VAV1: variants seen among roughly 807,000 people sequenced by gnomAD.
VAV1 encodes vav guanine nucleotide exchange factor 1.
Under a neutral mutation model 128.1 loss-of-function variants are expected in VAV1, and 33 were observed. The observed-to-expected ratio is 0.26, with a 90% CI of 0.20 to 0.34. The LOEUF (loss-of-function observed/expected upper bound fraction) is 0.34. VAV1 is among the 10% of genes least tolerant of loss of function. The pLI, the probability that VAV1 is intolerant of heterozygous loss-of-function variation, is 1.00. For synonymous variants in VAV1, 394 were observed against 409.8 expected (o/e 0.96, Z 0.47); for missense variants, 715 against 1,093.7 (o/e 0.65, Z 4.88).
At chr19:6,811,241 G>A (rs576246779) in intron 1 of VAV1, among the ~76,000 whole-genome samples, 328 of 152,144 alleles carry the variant, frequency 2.2e-3, no homozygotes, top group African/African-American at 6.8e-3. Context: ...TCACCATGTC[G>A]GCCAGGCTGG....
At chr19:6,838,141 A>C (rs1358240144) in intron 21 of VAV1, among the ~76,000 whole-genome samples, 1 of 151,404 alleles carries the variant, frequency 6.6e-6, no homozygotes, top group Non-Finnish European at 1.5e-5. Flanking sequence ...CTATCCATGC[A>C]TCCATCTTTT....
At chr19:6,778,083 C>T (rs527920218) in intron 1 of VAV1, among the ~76,000 whole-genome samples, 4 of 152,228 alleles carry the variant, frequency 2.6e-5, no homozygotes, top group Non-Finnish European at 4.4e-5. Flanking sequence ...GCTACAGATG[C>T]GTGCCACCAT....
At chr19:6,821,927 G>T (rs1051637633) in intron 4 of VAV1, 68 bp downstream of exon 4, 4 of 1,594,466 alleles carry the variant, frequency 2.5e-6, no homozygotes, top group African/African-American at 2.7e-5. Flanking sequence ...GGTGTGGGGG[G>T]ACATGGCCTT....
chr19:6,840,894 T>C (rs1226091611), intron 21 of VAV1, among the ~76,000 whole-genome samples: 1 of 151,780 alleles, frequency 6.6e-6, no homozygotes, highest in African/African-American at 2.4e-5. Context: ...ATTCTCCCAC[T>C]TCAGCCTCGA....
intron 21 of VAV1, among the ~76,000 whole-genome samples, chr19:6,839,927 A>C (rs2144807289): frequency 6.6e-6 from 1 of 152,160 alleles, no homozygotes; most frequent in South Asian, 2.1e-4. Context: ...TCTGGGCCCA[A>C]GTGATTCCCC....
At position 6,848,074 on chromosome 19, in the gene VAV1, C is replaced by T; in HGVS notation, c.2089C>T (p.Gln697Ter). 1 of 1,552,218 alleles carries T rather than the reference C, an allele frequency of 6.4e-7. No individual in the cohort carries two copies. Among genetic ancestry groups the T allele is most frequent in the Non-Finnish European group, 8.6e-7 (1 of 1,156,396 alleles). The change falls in exon 23 of 27, where the codon CAG becomes TAG. Residue 697 changes from glutamine to a stop codon, truncating the protein, a stop_gained. Transcript: ENST00000602142. LOFTEE classifies it high-confidence loss of function. ...CTCGGACGGGACTTTCTTGGTGCGG[C>T]AGAGGGTGAAGGATGCAGCAGAATT... The part of the protein sequence containing the change: ...NRSDGTFLVR[Q>*]RVKDAAEFAI...
intron 21 of VAV1, among the ~76,000 whole-genome samples, chr19:6,840,981 T>C (rs1972361308): frequency 6.6e-6 from 1 of 152,032 alleles, no homozygotes. Context: ...TTTCACCATG[T>C]TGGCCAGGCT....
chr19:6,847,763 G>A (rs1048481593), intron 22 of VAV1, among the ~76,000 whole-genome samples: 6 of 152,082 alleles, frequency 3.9e-5, no homozygotes, highest in Non-Finnish European at 8.8e-5. Flanking sequence ...CCATCCCCCC[G>A]AATCCATGTG....
chr19:6,833,743 T>G lies in VAV1; in HGVS notation c.1731+10T>G. On this transcript the variant is annotated intron_variant, in intron 18 of 26. Transcript: ENST00000602142. ...AGGAACTATGAAGAAGGTAAGACTTTCCCGTGGTCCTTCCTGTGTACCACA... is the reference window on the plus strand; with the variant it reads ...AGGAACTATGAAGAAGGTAAGACTTGCCCGTGGTCCTTCCTGTGTACCACA... 6.2e-7 allele frequency: 1 copy of G among 1,614,140 alleles called. No individual in the cohort carries two copies. The highest frequency in any genetic ancestry group is 8.5e-7 in the Non-Finnish European group (1 of 1,180,024).
chr19:6,839,764 C>T (rs1421454032), intron 21 of VAV1, among the ~76,000 whole-genome samples: 3 of 151,896 alleles, frequency 2.0e-5, no homozygotes, highest in Non-Finnish European at 4.4e-5. Flanking sequence ...CAATCTTGGC[C>T]CACCGCAGCC....
chr19:6,778,725 C>CAA (rs762865924), intron 1 of VAV1, among the ~76,000 whole-genome samples: 2 of 142,302 alleles, frequency 1.4e-5, no homozygotes, highest in African/African-American at 2.8e-5. Context: ...GACTTTGTCT[C>CAA]AAAAAACAAA....
At chr19:6,815,728 TCA>T (rs780787883) in intron 1 of VAV1, among the ~76,000 whole-genome samples, 61 of 152,184 alleles carry the variant, frequency 4.0e-4, no homozygotes, top group Non-Finnish European at 8.1e-4. Flanking sequence ...GTGTCTCACC[TCA>T]GTTTCCTTCT....
At chr19:6,802,668 C>T (rs2144733555) in intron 1 of VAV1, among the ~76,000 whole-genome samples, 1 of 152,264 alleles carries the variant, frequency 6.6e-6, no homozygotes, top group African/African-American at 2.4e-5. Flanking sequence ...TGAGCGCCCT[C>T]ATTATGCCAC....
intron 1 of VAV1, among the ~76,000 whole-genome samples, chr19:6,795,274 G>A (rs576247877): frequency 6.6e-6 from 1 of 152,036 alleles, no homozygotes; most frequent in East Asian, 1.9e-4. Flanking sequence ...TCCTGGCAGC[G>A]CAAAACAAAG....
chr19:6,789,710 G>T (rs1006626250), intron 1 of VAV1, among the ~76,000 whole-genome samples: 6 of 152,128 alleles, frequency 3.9e-5, no homozygotes, highest in African/African-American at 1.4e-4. Context: ...TGATTCTCCT[G>T]CCTTGGCCTC....
chr19:6,786,490 A>G (rs1294909001), intron 1 of VAV1, among the ~76,000 whole-genome samples: 2 of 152,154 alleles, frequency 1.3e-5, no homozygotes, highest in African/African-American at 4.8e-5. Flanking sequence ...AAAATTAAAA[A>G]TGAAAATTAT....
intron 1 of VAV1, among the ~76,000 whole-genome samples, chr19:6,789,751 C>T (rs1970976607): frequency 1.3e-5 from 2 of 152,078 alleles, no homozygotes; most frequent in African/African-American, 4.8e-5. Context: ...GCATGTGCCA[C>T]CATATCCGGC....
At position 6,844,063 on chromosome 19, in the gene VAV1, C is replaced by CTTTTTTTTTTTTTTTT. The variant is rs71177123; in HGVS notation, c.2012+923_2012+938dup. On this transcript the variant is annotated intron_variant, in intron 22 of 26. Transcript: ENST00000602142. The stretch of plus-strand genomic sequence containing the variant: ...ACTTTCTTCTTTTCTTCTTCTTCTT[C>CTTTTTTTTTTTTTTTT]TTTTTTTTTTTTTTTTTTTTTTTTT... Among the ~76,000 whole-genome samples, 36 of 21,324 alleles carry CTTTTTTTTTTTTTTTT rather than the reference C, an allele frequency of 1.7e-3. 10 individuals are homozygous for CTTTTTTTTTTTTTTTT. Among genetic ancestry groups the CTTTTTTTTTTTTTTTT allele is most frequent in the East Asian group, 4.5e-3 (2 of 446 alleles). 14.0% of individuals were successfully genotyped at this position (21,324 alleles called of 152,430 possible).
At chr19:6,791,489 C>T (rs1317021324) in intron 1 of VAV1, among the ~76,000 whole-genome samples, 1 of 151,850 alleles carries the variant, frequency 6.6e-6, no homozygotes, top group Non-Finnish European at 1.5e-5. Context: ...CTCCTCGTCT[C>T]AAGGTCCTTG....
Sources: allele counts gnomAD v4.1 joint callset (sites outside exome capture counted in the v4.1 genomes callset), GRCh38; gene constraint gnomAD v4.1.1; transcripts MANE v1.5; gene names NCBI Gene and HGNC (gene_info 2026-07-23, HGNC 2026-07-21).